Variants in TRIO observed in about 807,000 individuals in gnomAD.
The protein encoded by TRIO is trio Rho guanine nucleotide exchange factor.
TRIO carries 58 observed loss-of-function variants against 351.9 expected under a neutral mutation model. That is an observed-to-expected ratio of 0.16 (90% CI 0.13 to 0.21). TRIO has a LOEUF of 0.21. Ranked by LOEUF, TRIO falls within the 10% of genes least tolerant of loss-of-function variation. TRIO has a pLI of 1.00. For missense variants in TRIO, 3,201 were observed against 4,027.8 expected (o/e 0.79, Z 5.56); for synonymous variants, 1,758 against 1,595.7 (o/e 1.10, Z -2.42).
chr5:14,408,684 T>C (rs1316895351), intron 33 of TRIO, among the ~76,000 whole-genome samples: 1 of 152,130 alleles, frequency 6.6e-6, no homozygotes, highest in Non-Finnish European at 1.5e-5. Context: ...TGAATTTCCA[T>C]GAGGCTGCCA....
intron 54 of TRIO, 28 bp downstream of exon 54, chr5:14,502,685 C>T (rs778485378): frequency 8.7e-6 from 14 of 1,609,576 alleles, no homozygotes; most frequent in East Asian, 4.5e-5. Flanking sequence ...GAACGCCTTC[C>T]GAAAGAGCAG....
intron 34 of TRIO, among the ~76,000 whole-genome samples, chr5:14,438,018 G>A (rs957546983): frequency 6.6e-6 from 1 of 152,148 alleles, no homozygotes; most frequent in Non-Finnish European, 1.5e-5. Flanking sequence ...TGTTCTCTCT[G>A]TGACATTTTA....
At chr5:14,173,756 G>A (rs1272666562) in intron 1 of TRIO, among the ~76,000 whole-genome samples, 2 of 152,184 alleles carry the variant, frequency 1.3e-5, no homozygotes, top group Non-Finnish European at 2.9e-5. Context: ...ATGTAATTTT[G>A]GTTTTCTATG....
At chr5:14,311,961 A>C (rs1330636218) in intron 8 of TRIO, among the ~76,000 whole-genome samples, 1 of 152,194 alleles carries the variant, frequency 6.6e-6, no homozygotes, top group African/African-American at 2.4e-5. Context: ...GTTTGGACCT[A>C]ATTGATATGC....
chr5:14,452,282 C>T (rs538488448), intron 34 of TRIO, among the ~76,000 whole-genome samples: 1 of 152,352 alleles, frequency 6.6e-6, no homozygotes, highest in African/African-American at 2.4e-5. Flanking sequence ...TGCTTTCTTC[C>T]TCAGCCTTCT....
intron 11 of TRIO, among the ~76,000 whole-genome samples, chr5:14,356,512 C>G (rs942093626): frequency 6.6e-6 from 1 of 152,224 alleles, no homozygotes; most frequent in Non-Finnish European, 1.5e-5. Context: ...TTGAAACTCT[C>G]ATACGCTGCT....
chr5:14,369,685 G>A (rs901798643), intron 18 of TRIO, among the ~76,000 whole-genome samples, 162 bp downstream of exon 18: 1 of 152,224 alleles, frequency 6.6e-6, no homozygotes, highest in East Asian at 1.9e-4. Flanking sequence ...GCTGAAGAAA[G>A]AAAACCTTAA....
At chr5:14,436,065 C>G (rs1751564454) in intron 34 of TRIO, among the ~76,000 whole-genome samples, 1 of 152,214 alleles carries the variant, frequency 6.6e-6, no homozygotes, top group Admixed American at 6.5e-5. Context: ...TTCCCCTCCT[C>G]CATCCTCCCC....
chr5:14,455,492 C>T (rs150943489), intron 34 of TRIO, among the ~76,000 whole-genome samples: 166 of 152,004 alleles, frequency 1.1e-3, no homozygotes, highest in Non-Finnish European at 2.0e-3. Flanking sequence ...CATTTACAAA[C>T]CTTGAGCTAG....
rs370355156 is a variant in TRIO, at chr5:14,290,845, A to G, written c.670A>G (p.Ile224Val). Residue 224 changes from isoleucine (I) to valine (V), a missense_variant, in exon 5 of 57, where the codon ATT (isoleucine) becomes GTT (valine). Physicochemically the swap from Ile to Val is conservative, Grantham distance 29. This residue lies in a region of TRIO where 349 missense variants were observed against 449.3 expected (regional missense o/e 0.78). Coordinates refer to ENST00000344204, the MANE Select transcript of TRIO (RefSeq NM_007118.4). ...AATCAGAGTTGCTTTTGAAGACTACATTAGCAATGCCACCCACATGCTGTC... is the reference window on the plus strand; with the variant it reads ...AATCAGAGTTGCTTTTGAAGACTACGTTAGCAATGCCACCCACATGCTGTC... ...IEIRVAFEDY[I>V]SNATHMLSRL... 8.1e-6 allele frequency: 13 copies of G among 1,614,064 alleles called. No homozygotes were observed. The highest frequency in any genetic ancestry group is 1.3e-5 in the African/African-American group (1 of 74,928).
At chr5:14,238,483 T>C (rs1475210847) in intron 1 of TRIO, among the ~76,000 whole-genome samples, 3 of 152,136 alleles carry the variant, frequency 2.0e-5, no homozygotes, top group Non-Finnish European at 4.4e-5. Context: ...ATGTGGGCCC[T>C]CCTGGGTCCC....
intron 18 of TRIO, among the ~76,000 whole-genome samples, chr5:14,373,401 G>T (rs1271287179): frequency 2.0e-5 from 3 of 152,104 alleles, no homozygotes; most frequent in East Asian, 3.9e-4. Flanking sequence ...CTAGACTGTG[G>T]GCTCTAAATA....
At chr5:14,420,052 C>G (rs756533571) in intron 34 of TRIO, 31 bp downstream of exon 34, 1 of 1,600,564 alleles carries the variant, frequency 6.2e-7, no homozygotes, top group Non-Finnish European at 8.5e-7. Context: ...GGTGGCAGAC[C>G]CCTACTGGAA....
chr5:14,281,586 C>T (rs1401704705), intron 3 of TRIO, among the ~76,000 whole-genome samples: 1 of 152,072 alleles, frequency 6.6e-6, no homozygotes, highest in Non-Finnish European at 1.5e-5. Context: ...AACATAATAC[C>T]ATGCTGATAT....
chr5:14,348,622 G>A (rs576737367), intron 11 of TRIO, among the ~76,000 whole-genome samples: 1 of 152,356 alleles, frequency 6.6e-6, no homozygotes, highest in Admixed American at 6.5e-5. Flanking sequence ...TTTCCTGCAT[G>A]TGTGTACACA....
intron 47 of TRIO, among the ~76,000 whole-genome samples, chr5:14,486,609 A>G (rs754497107): frequency 1.3e-5 from 2 of 152,214 alleles, no homozygotes; most frequent in Non-Finnish European, 2.9e-5. Context: ...TCTTTAAAAT[A>G]GAATGAACTG....
intron 16 of TRIO, 144 bp downstream of exon 16, chr5:14,367,123 T>C: frequency 8.6e-7 from 1 of 1,161,982 alleles, no homozygotes; most frequent in Non-Finnish European, 1.2e-6. Context: ...TGGCAACGCT[T>C]CTAAGTCTGC....
chr5:14,257,966 CTG>C (rs1032262861), intron 1 of TRIO, among the ~76,000 whole-genome samples: 1 of 152,208 alleles, frequency 6.6e-6, no homozygotes, highest in Non-Finnish European at 1.5e-5. Flanking sequence ...GTTCTGTGAG[CTG>C]TGATTCTCAG....
At chr5:14,327,012 G>A (rs570869754) in intron 9 of TRIO, among the ~76,000 whole-genome samples, 6 of 152,184 alleles carry the variant, frequency 3.9e-5, no homozygotes, top group South Asian at 2.1e-4. Context: ...TTGGAAATAC[G>A]ATTTCACCTG....
Sources: allele counts gnomAD v4.1 joint callset (sites outside exome capture counted in the v4.1 genomes callset), GRCh38; gene constraint gnomAD v4.1.1; regional missense constraint gnomAD v4.1.1; transcripts MANE v1.5; gene names NCBI Gene and HGNC (gene_info 2026-07-23, HGNC 2026-07-21).